SNTG1: variants seen among roughly 807,000 people sequenced by gnomAD.
The protein encoded by SNTG1 is gamma-1-syntrophin.
SNTG1 carries 39 observed loss-of-function variants against 74.7 expected under a neutral mutation model. The observed-to-expected ratio is 0.52, with a 90% CI of 0.40 to 0.68. The LOEUF is 0.68. Among genes scored for constraint, SNTG1 ranks in the 30% least tolerant of loss-of-function variants. The pLI, the probability that SNTG1 is intolerant of heterozygous loss-of-function variation, is 0.00. For synonymous variants in SNTG1, 254 were observed against 217.1 expected, an observed-to-expected ratio of 1.17 and a Z score of -1.49; for missense variants, 685 against 609.5, an observed-to-expected ratio of 1.12 and a Z score of -1.30.
intron 1 of SNTG1, among the ~76,000 whole-genome samples, chr8:50,070,601 T>C (rs1330284435): frequency 6.6e-6 from 1 of 152,194 alleles, no homozygotes; most frequent in African/African-American, 2.4e-5. Context: ...TGTTAGAGAT[T>C]TGAAATTGAA....
chr8:50,221,046 A>G (rs1374604682), intron 2 of SNTG1, among the ~76,000 whole-genome samples: 2 of 152,156 alleles, frequency 1.3e-5, no homozygotes, highest in African/African-American at 4.8e-5. Flanking sequence ...GGTATTACAT[A>G]TATTATATTA....
intron 17 of SNTG1, among the ~76,000 whole-genome samples, chr8:50,743,833 G>C (rs1006566309): frequency 6.6e-6 from 1 of 151,948 alleles, no homozygotes; most frequent in African/African-American, 2.4e-5. Flanking sequence ...GGTTTAGTTG[G>C]CTTACTGTTC....
intron 12 of SNTG1, among the ~76,000 whole-genome samples, chr8:50,588,988 C>T (rs553101719): frequency 2.6e-4 from 39 of 151,926 alleles, no homozygotes; most frequent in Non-Finnish European, 4.0e-4. Flanking sequence ...ACTGTCTTGT[C>T]ATTCTCTCTA....
At chr8:50,104,858 G>A (rs1265256517) in intron 1 of SNTG1, among the ~76,000 whole-genome samples, 1 of 151,894 alleles carries the variant, frequency 6.6e-6, no homozygotes, top group Non-Finnish European at 1.5e-5. Flanking sequence ...GTCTGTTCAT[G>A]CCCTCTGTCC....
At chr8:50,042,419 C>G (rs191836079) in intron 1 of SNTG1, among the ~76,000 whole-genome samples, 38 of 152,252 alleles carry the variant, frequency 2.5e-4, no homozygotes, top group Admixed American at 2.4e-3. Flanking sequence ...CTGAAAACTT[C>G]CGCGGGCTGG....
chr8:50,191,031 A>T (rs1309509051), intron 2 of SNTG1, among the ~76,000 whole-genome samples: 1 of 152,090 alleles, frequency 6.6e-6, no homozygotes, highest in Non-Finnish European at 1.5e-5. Context: ...TTTTTCTTTC[A>T]CTGGTCTTCT....
At chr8:50,650,177 C>A (rs62516801) in intron 13 of SNTG1, among the ~76,000 whole-genome samples, 5,415 of 151,936 alleles carry the variant, frequency 0.036, 145 homozygotes, top group Non-Finnish European at 0.049. Flanking sequence ...AAGACAATTT[C>A]TATTTATAAT....
Position 50,562,395 on chromosome 8 carries a change from G to A in SNTG1, c.810+9216G>A, listed in dbSNP as rs183479651. On this transcript the variant is annotated intron_variant, in intron 12 of 18. Coordinates refer to ENST00000642720, the MANE Select transcript of SNTG1 (RefSeq NM_018967.5). The stretch of plus-strand genomic sequence containing the variant: ...CAAAGTGAGAGAACAAGAGACAGCA[G>A]TGAAAGAGGAACTGAACCCAGTATT... Among the ~76,000 whole-genome samples, 74 of 152,330 alleles carry A rather than the reference G, an allele frequency of 4.9e-4. 1 individual carries two copies. In the East Asian group the frequency reaches 0.014, roughly 29 times the overall value.
In SNTG1 at chr8:50,177,376, C is replaced by G. The variant is rs1586596547; in HGVS notation, c.-28+4741C>G. Among the ~76,000 whole-genome samples the G allele has an allele frequency of 2.0e-5, 3 of 152,248 alleles. No homozygotes were observed. In the East Asian group the frequency reaches 5.8e-4, roughly 29 times the overall value. ...ACTCCTAGTGATGGCTCTCACTACC[C>G]CATGGTTATCTTGTGTCAGCTGCAG... is the stretch of plus-strand genomic sequence containing the variant. On this transcript the variant is annotated intron_variant, in intron 2 of 18. Transcript: ENST00000642720.
intron 4 of SNTG1, among the ~76,000 whole-genome samples, chr8:50,436,296 A>G (rs1239892487): frequency 6.6e-6 from 1 of 152,152 alleles, no homozygotes; most frequent in Admixed American, 6.6e-5. Flanking sequence ...CAGTTTTATA[A>G]AAGCAGTTTA....
At position 50,233,903 on chromosome 8, in the gene SNTG1, C is replaced by T. The variant is rs147670923; in HGVS notation, c.-28+61268C>T. Among the ~76,000 whole-genome samples the T allele has an allele frequency of 6.9e-4, 105 of 151,792 alleles. 1 individual carries two copies. In the East Asian group the frequency reaches 0.019, roughly 28 times the overall value. ...TAAAAGTTACTGATAACTCCAAATG[C>T]TGGTAAAGAGAAAGAGAAAACGGAT... On this transcript the variant is annotated intron_variant, in intron 2 of 18. Transcript: ENST00000642720.
chr8:50,644,758 A>G (rs2095096478), intron 13 of SNTG1, among the ~76,000 whole-genome samples: 1 of 152,086 alleles, frequency 6.6e-6, no homozygotes, highest in South Asian at 2.1e-4. Context: ...TGATTTAGAG[A>G]CTTGACATTA....
intron 2 of SNTG1, among the ~76,000 whole-genome samples, chr8:50,297,419 A>T (rs1000339538): frequency 3.3e-5 from 5 of 151,878 alleles, no homozygotes; most frequent in Admixed American, 2.0e-4. Flanking sequence ...CCAGCACACA[A>T]TTTTTTTTCT....
chr8:49,952,755 G>A (rs1369690748), intron 1 of SNTG1, among the ~76,000 whole-genome samples: 1 of 152,166 alleles, frequency 6.6e-6, no homozygotes, highest in Non-Finnish European at 1.5e-5. Context: ...TGGCAGATTT[G>A]GAATGTGTTA....
intron 2 of SNTG1, among the ~76,000 whole-genome samples, chr8:50,278,468 TC>T (rs1288361668): frequency 6.6e-6 from 1 of 152,164 alleles, no homozygotes; most frequent in Non-Finnish European, 1.5e-5. Flanking sequence ...TCTTCAGAAA[TC>T]CCTGTGATTG....
intron 13 of SNTG1, among the ~76,000 whole-genome samples, chr8:50,632,151 G>A (rs1396182461): frequency 6.6e-6 from 1 of 152,028 alleles, no homozygotes; most frequent in African/African-American, 2.4e-5. Flanking sequence ...AAATACAGAA[G>A]TGTCAAGTAC....
rs535886220 is a variant in SNTG1, at chr8:50,758,981, T to A, written c.1395+6870T>A. Among the ~76,000 whole-genome samples the A allele has an allele frequency of 8.5e-5, 13 of 152,236 alleles. No individual in the cohort carries two copies. The East Asian group carries it at 2.5e-3, about 30-fold the overall frequency. On this transcript the variant is annotated intron_variant, in intron 18 of 18. Coordinates refer to ENST00000642720, the MANE Select transcript of SNTG1 (RefSeq NM_018967.5). ...CACATTCTCTCCAGCATGTGCTATTTCCTGACTTTAATGATCACCATTCTA... is the reference window on the plus strand; with the variant it reads ...CACATTCTCTCCAGCATGTGCTATTACCTGACTTTAATGATCACCATTCTA...
At chr8:50,240,723 C>G (rs544852147) in intron 2 of SNTG1, among the ~76,000 whole-genome samples, 3 of 152,172 alleles carry the variant, frequency 2.0e-5, no homozygotes, top group Admixed American at 6.5e-5. Context: ...CTGACTCATT[C>G]CCTCACCCAT....
chr8:50,692,101 A>C (rs2095382911), intron 15 of SNTG1, among the ~76,000 whole-genome samples: 1 of 151,988 alleles, frequency 6.6e-6, no homozygotes, highest in Admixed American at 6.5e-5. Context: ...CAGCTCCATC[A>C]GGTTCTTTAA....
Sources: allele counts gnomAD v4.1 joint callset (sites outside exome capture counted in the v4.1 genomes callset), GRCh38; gene constraint gnomAD v4.1.1; transcripts MANE v1.5; gene names NCBI Gene and HGNC (gene_info 2026-07-23, HGNC 2026-07-21).